Variants in KATNIP observed in about 807,000 individuals in gnomAD.
KATNIP encodes katanin interacting protein, also known as katanin-interacting protein.
KATNIP carries 126 observed loss-of-function variants against 174.0 expected under a neutral mutation model. The ratio of observed to expected loss-of-function variants is 0.72; its 90% CI spans 0.63 to 0.84. The LOEUF (loss-of-function observed/expected upper bound fraction) is 0.84, where lower values mean the gene tolerates loss of function less well. Among genes scored for constraint, KATNIP ranks in the 40% least tolerant of loss-of-function variants. The pLI is 0.00. For missense variants in KATNIP, 1,958 were observed against 2,109.7 expected, an observed-to-expected ratio of 0.93 and a Z score of 1.41; for synonymous variants, 810 against 835.7, an observed-to-expected ratio of 0.97 and a Z score of 0.53.
intron 6 of KATNIP, among the ~76,000 whole-genome samples, chr16:27,673,291 A>G (rs1221117451): frequency 6.6e-6 from 1 of 152,184 alleles, no homozygotes; most frequent in East Asian, 1.9e-4. Flanking sequence ...ATTCTACCGT[A>G]AAGGATTACT....
At chr16:27,609,782 C>G (rs998820107) in intron 2 of KATNIP, among the ~76,000 whole-genome samples, 2 of 151,430 alleles carry the variant, frequency 1.3e-5, no homozygotes, top group Non-Finnish European at 2.9e-5. Context: ...ACCTCCACCT[C>G]CTGGGTTCAA....
At chr16:27,618,229 G>A (rs1269920476) in intron 2 of KATNIP, among the ~76,000 whole-genome samples, 196 bp from the exon 3 acceptor site, 3 of 152,170 alleles carry the variant, frequency 2.0e-5, no homozygotes, top group Non-Finnish European at 4.4e-5. Flanking sequence ...TTAAAGGTGT[G>A]TATGCCTAAG....
intron 18 of KATNIP, chr16:27,755,158 A>T (rs1257419710): frequency 6.6e-6 from 1 of 152,240 alleles, no homozygotes; most frequent in East Asian, 1.9e-4. Context: ...GAGACAAAAG[A>T]TGTGACACTG....
chr16:27,642,808 G>A (rs989698169), intron 5 of KATNIP, among the ~76,000 whole-genome samples: 45 of 140,314 alleles, frequency 3.2e-4, no homozygotes, highest in Middle Eastern at 3.8e-3. Context: ...AGGTCTCACC[G>A]TGTTGCCTAG....
intron 1 of KATNIP, among the ~76,000 whole-genome samples, chr16:27,569,809 G>T (rs189464214): frequency 6.6e-6 from 1 of 152,292 alleles, no homozygotes; most frequent in Admixed American, 6.5e-5. Flanking sequence ...AATTATCTTC[G>T]TTGGAAAATA....
rs956644845 is a variant in KATNIP at position 27,552,697 on chromosome 16, T to G, written c.7+2520T>G. Among the ~76,000 whole-genome samples the G allele has an allele frequency of 1.4e-3, 202 of 145,580 alleles. 6 individuals carry two copies. Among genetic ancestry groups the G allele is most frequent in the Non-Finnish European group, 3.8e-4 (25 of 66,172 alleles). On this transcript the variant is annotated intron_variant, in intron 1 of 27. Transcript: ENST00000261588. ...GCCTGCAAGTGGCAGTTTTTTTTTT[T>G]TTTTTTTTTTTTTGAGACGGGAGTT...
chr16:27,575,643 G>T (rs557450284), intron 2 of KATNIP, among the ~76,000 whole-genome samples: 1 of 152,168 alleles, frequency 6.6e-6, no homozygotes, highest in Non-Finnish European at 1.5e-5. Flanking sequence ...GGGCTGTCCC[G>T]GCCAGCTCTG....
At chr16:27,752,613 G>A (rs893279314) in intron 17 of KATNIP, among the ~76,000 whole-genome samples, 10 of 152,168 alleles carry the variant, frequency 6.6e-5, no homozygotes, top group Non-Finnish European at 1.5e-4. Context: ...GTACACTAGC[G>A]TGATCATAGC....
chr16:27,663,534 C>T (rs1014570352), intron 6 of KATNIP, among the ~76,000 whole-genome samples: 1 of 151,830 alleles, frequency 6.6e-6, no homozygotes, highest in Admixed American at 6.6e-5. Flanking sequence ...CTGCAACCTC[C>T]GTCTCCCAGG....
chr16:27,660,844 C>T (rs568684607), intron 6 of KATNIP, among the ~76,000 whole-genome samples: 2 of 152,272 alleles, frequency 1.3e-5, no homozygotes, highest in African/African-American at 4.8e-5. Context: ...GGGCCTCAAA[C>T]ACCTTCCCCC....
At chr16:27,778,431 C>T (rs758049963) in intron 27 of KATNIP, 143 bp from the exon 28 acceptor site, 17 of 756,140 alleles carry the variant, frequency 2.2e-5, no homozygotes, top group African/African-American at 8.8e-5. Flanking sequence ...AAGGGGCCAG[C>T]GTGCCAGGCG....
chr16:27,743,394 C>T (rs1452180783), intron 15 of KATNIP, among the ~76,000 whole-genome samples: 1 of 152,152 alleles, frequency 6.6e-6, no homozygotes, highest in East Asian at 1.9e-4. Context: ...ACAAGTTCCT[C>T]AGACTCCAAG....
At chr16:27,707,064 C>T (rs1277189052) in intron 12 of KATNIP, among the ~76,000 whole-genome samples, 1 of 152,190 alleles carries the variant, frequency 6.6e-6, no homozygotes, top group Admixed American at 6.5e-5. Context: ...ACCTCTCTCC[C>T]TCCTCCCTAT....
intron 2 of KATNIP, among the ~76,000 whole-genome samples, chr16:27,599,195 C>G (rs1420346245): frequency 6.6e-6 from 1 of 152,158 alleles, no homozygotes; most frequent in Non-Finnish European, 1.5e-5. Flanking sequence ...GAGAAGCCAG[C>G]CTGGGATGGA....
chr16:27,660,827 G>A (rs1427078622), intron 6 of KATNIP, among the ~76,000 whole-genome samples: 1 of 152,086 alleles, frequency 6.6e-6, no homozygotes, highest in Non-Finnish European at 1.5e-5. Context: ...TGCAAGTTCA[G>A]TATTTAGGGC....
chr16:27,728,413 C>T (rs1301656399), intron 14 of KATNIP, among the ~76,000 whole-genome samples: 1 of 152,178 alleles, frequency 6.6e-6, no homozygotes, highest in African/African-American at 2.4e-5. Context: ...GAGAGGTGAA[C>T]AGAGAATTCA....
At position 27,721,774 on chromosome 16, in the gene KATNIP, A is replaced by C; in HGVS notation, c.1743+79A>C. On this transcript the variant is annotated intron_variant, in intron 14 of 27. Transcript: ENST00000261588. ...GCAGTTTGCCAATAGCCTGATTCCT[A>C]AAGTTGCAAAATGGATACACGGAAG... 5 of 1,522,378 alleles carry C rather than the reference A, an allele frequency of 3.3e-6. No homozygotes were observed. The South Asian group carries it at 6.0e-5, about 18-fold the overall frequency. 94.3% of individuals were successfully genotyped at this position (1,522,378 alleles called of 1,614,324 possible).
intron 17 of KATNIP, among the ~76,000 whole-genome samples, chr16:27,753,023 C>T (rs1013027055): frequency 6.6e-6 from 1 of 152,138 alleles, no homozygotes; most frequent in African/African-American, 2.4e-5. Context: ...AGGACAGCAA[C>T]ATGTCGTGTG....
At chr16:27,585,827 T>C (rs941527808) in intron 2 of KATNIP, among the ~76,000 whole-genome samples, 1 of 151,960 alleles carries the variant, frequency 6.6e-6, no homozygotes, top group Non-Finnish European at 1.5e-5. Flanking sequence ...AATGGCTGGG[T>C]GCAGTGGCTC....
Sources: allele counts gnomAD v4.1 joint callset (sites outside exome capture counted in the v4.1 genomes callset), GRCh38; gene constraint gnomAD v4.1.1; transcripts MANE v1.5; gene names NCBI Gene and HGNC (gene_info 2026-07-23, HGNC 2026-07-21).